Variants in HS6ST3 observed in about 807,000 individuals in gnomAD.
HS6ST3 encodes heparan-sulfate 6-O-sulfotransferase 3.
HS6ST3 carries 12 observed loss-of-function variants against 36.7 expected under a neutral mutation model. That is an observed-to-expected ratio of 0.33 (90% CI 0.21 to 0.53). The LOEUF is 0.53. HS6ST3 is among the 20% of genes least tolerant of loss of function. The pLI is 0.95. For synonymous variants in HS6ST3, 240 were observed against 257.5 expected (o/e 0.93, Z 0.65); for missense variants, 584 against 640.9 (o/e 0.91, Z 0.96).
chr13:96,324,360 A>C (rs1369273666), intron 1 of HS6ST3, among the ~76,000 whole-genome samples: 2 of 152,176 alleles, frequency 1.3e-5, no homozygotes, highest in Non-Finnish European at 2.9e-5. Context: ...CCTGGAAATC[A>C]AGTGAAGAAG....
chr13:96,814,788 A>T (rs1332792753), intron 1 of HS6ST3, among the ~76,000 whole-genome samples: 1 of 152,134 alleles, frequency 6.6e-6, no homozygotes, highest in Non-Finnish European at 1.5e-5. Context: ...GGCTTGTCAT[A>T]TATGAGTATA....
chr13:96,363,877 GAA>G (rs1159185765), intron 1 of HS6ST3, among the ~76,000 whole-genome samples: 1 of 151,500 alleles, frequency 6.6e-6, no homozygotes, highest in Non-Finnish European at 1.5e-5. Context: ...TTTTTGAAAT[GAA>G]AAAAGAGAAC....
chr13:96,725,473 G>GC (rs1875979351), intron 1 of HS6ST3, among the ~76,000 whole-genome samples: 1 of 152,018 alleles, frequency 6.6e-6, no homozygotes, highest in African/African-American at 2.4e-5. Flanking sequence ...TTTCTCCTGT[G>GC]CTTTTTTTCT....
intron 1 of HS6ST3, among the ~76,000 whole-genome samples, chr13:96,137,195 C>A (rs911681083): frequency 7.8e-6 from 1 of 127,872 alleles, no homozygotes; most frequent in South Asian, 2.9e-4. Context: ...CACTTTCTGA[C>A]TTCTGTAACC....
intron 1 of HS6ST3, among the ~76,000 whole-genome samples, chr13:96,157,286 A>G (rs1863381096): frequency 6.6e-6 from 1 of 152,200 alleles, no homozygotes; most frequent in Admixed American, 6.5e-5. Flanking sequence ...CCCATCTTTC[A>G]GTGGGATAAT....
intron 1 of HS6ST3, among the ~76,000 whole-genome samples, chr13:96,791,370 AG>A (rs1877785759): frequency 6.6e-6 from 1 of 152,050 alleles, no homozygotes; most frequent in Non-Finnish European, 1.5e-5. Flanking sequence ...AGACATGGAA[AG>A]TACAAGTTGT....
chr13:96,671,002 G>C (rs2056680817), intron 1 of HS6ST3, among the ~76,000 whole-genome samples: 2 of 152,110 alleles, frequency 1.3e-5, no homozygotes, highest in African/African-American at 4.8e-5. Flanking sequence ...ATGAATTTTA[G>C]TAGCTTTAGG....
chr13:96,381,378 C>CTATCTATGTATCTATG lies in HS6ST3; in HGVS notation c.707+289833_707+289848dup, dbSNP rs908048300. ...TGTGTGTGTATATCTATTTATCCAT[C>CTATCTATGTATCTATG]TATCTATGTATCTATGTATCTATGT... is the stretch of plus-strand genomic sequence containing the variant. On this transcript the variant is annotated intron_variant, in intron 1 of 1. Coordinates refer to ENST00000376705, the MANE Select transcript of HS6ST3 (RefSeq NM_153456.4). Among the ~76,000 whole-genome samples the CTATCTATGTATCTATG allele has an allele frequency of 9.5e-5, 13 of 137,004 alleles. 1 individual carries two copies. The highest frequency in any genetic ancestry group is 2.5e-4 in the South Asian group (1 of 4,040). The allele number at this position is 137,004 out of a possible 152,430, so 89.9% of individuals were successfully genotyped here.
At chr13:96,336,548 G>A (rs924014622) in intron 1 of HS6ST3, among the ~76,000 whole-genome samples, 3 of 152,200 alleles carry the variant, frequency 2.0e-5, no homozygotes, top group Non-Finnish European at 4.4e-5. Flanking sequence ...ACACCAATAT[G>A]TACAGGGGGA....
chr13:96,617,225 AAACCTTACT>A (rs2056477769), intron 1 of HS6ST3, among the ~76,000 whole-genome samples: 1 of 152,250 alleles, frequency 6.6e-6, no homozygotes, highest in Non-Finnish European at 1.5e-5. Context: ...TACCTTGATT[AAACCTTACT>A]AACTCAATTT....
chr13:96,629,706 G>C (rs1044302898), intron 1 of HS6ST3, among the ~76,000 whole-genome samples: 2 of 151,998 alleles, frequency 1.3e-5, no homozygotes, highest in East Asian at 1.9e-4. Flanking sequence ...AATATTTCTA[G>C]GTGTGGATTT....
chr13:96,217,150 C>A (rs550905207), intron 1 of HS6ST3, among the ~76,000 whole-genome samples: 1 of 152,172 alleles, frequency 6.6e-6, no homozygotes, highest in Non-Finnish European at 1.5e-5. Flanking sequence ...CCCAGGGGTC[C>A]GGAAAGAAGC....
chr13:96,657,641 G>C (rs550536005), intron 1 of HS6ST3, among the ~76,000 whole-genome samples: 1 of 152,136 alleles, frequency 6.6e-6, no homozygotes, highest in Admixed American at 6.6e-5. Context: ...ACATGCCATT[G>C]GTTGCTTTTT....
At chr13:96,669,960 A>C (rs192506884) in intron 1 of HS6ST3, among the ~76,000 whole-genome samples, 1 of 152,244 alleles carries the variant, frequency 6.6e-6, no homozygotes, top group Admixed American at 6.5e-5. Context: ...TAGAAATTTA[A>C]ATTTGAGGAC....
chr13:96,341,762 A>T (rs951608755), intron 1 of HS6ST3, among the ~76,000 whole-genome samples: 3 of 152,202 alleles, frequency 2.0e-5, no homozygotes, highest in African/African-American at 7.2e-5. Flanking sequence ...TTGGGTAAAA[A>T]TTCTTATGGA....
intron 1 of HS6ST3, among the ~76,000 whole-genome samples, chr13:96,514,133 A>G (rs1162643950): frequency 1.3e-5 from 2 of 152,120 alleles, no homozygotes; most frequent in Non-Finnish European, 2.9e-5. Flanking sequence ...TGGATGTGGT[A>G]TCGAGAGTAG....
In HS6ST3 at chr13:96,821,335, T is replaced by A. The variant is rs182125805; in HGVS notation, c.708-11155T>A. Reference sequence around the variant, plus strand: ...AATCCCTCACCCTGTGATGTTCATTTTGCATCTAGAGCTTTGAGTTCAACA... The same window carrying A: ...AATCCCTCACCCTGTGATGTTCATTATGCATCTAGAGCTTTGAGTTCAACA... On this transcript the variant is annotated intron_variant, in intron 1 of 1. Coordinates refer to ENST00000376705, the MANE Select transcript of HS6ST3 (RefSeq NM_153456.4). Among the ~76,000 whole-genome samples the A allele has an allele frequency of 1.4e-3, 206 of 152,330 alleles. 1 individual carries two copies. Among genetic ancestry groups the A allele is most frequent in the Middle Eastern group, 6.8e-3 (2 of 294 alleles).
chr13:96,828,284 G>A (rs1878692822), intron 1 of HS6ST3, among the ~76,000 whole-genome samples: 1 of 152,224 alleles, frequency 6.6e-6, no homozygotes, highest in Non-Finnish European at 1.5e-5. Context: ...GGTAAGGCTA[G>A]ACAGTCAAGA....
chr13:96,524,677 C>T (rs573524954), intron 1 of HS6ST3, among the ~76,000 whole-genome samples: 8 of 152,342 alleles, frequency 5.3e-5, no homozygotes, highest in African/African-American at 1.9e-4. Flanking sequence ...GGCATGGGAC[C>T]TGCCGAGCCA....
Sources: allele counts gnomAD v4.1 joint callset (sites outside exome capture counted in the v4.1 genomes callset), GRCh38; gene constraint gnomAD v4.1.1; transcripts MANE v1.5; gene names NCBI Gene and HGNC (gene_info 2026-07-23, HGNC 2026-07-21).